TENM3: variants seen among roughly 807,000 people sequenced by gnomAD.
TENM3 encodes teneurin-3.
A neutral mutation model predicts 255.1 loss-of-function variants in TENM3; 63 were observed. The observed-to-expected ratio is 0.25, with a 90% CI of 0.20 to 0.30. The LOEUF (loss-of-function observed/expected upper bound fraction) is 0.30, where lower values mean the gene tolerates loss of function less well. Ranked by LOEUF, TENM3 falls within the 10% of genes least tolerant of loss-of-function variation. The pLI is 1.00. For missense variants in TENM3, 2,929 were observed against 3,461.1 expected, an observed-to-expected ratio of 0.85 and a Z score of 3.86; for synonymous variants, 1,306 against 1,322.3, an observed-to-expected ratio of 0.99 and a Z score of 0.27.
At chr4:181,835,419 TAGTG>T in the TENM3 span, among the ~76,000 whole-genome samples, 1 of 152,228 alleles carries the variant, frequency 6.6e-6, no homozygotes, top group African/African-American at 2.4e-5. Flanking sequence ...TTACACTTGT[TAGTG>T]AGTTAATTTC....
chr4:182,237,017 C>T (rs1756937502), intron 1 of TENM3, among the ~76,000 whole-genome samples: 1 of 152,132 alleles, frequency 6.6e-6, no homozygotes, highest in African/African-American at 2.4e-5. Context: ...AACAAGTCCC[C>T]ATGTGTGTTG....
intron 1 of TENM3, among the ~76,000 whole-genome samples, chr4:182,174,880 C>A (rs910103410): frequency 6.6e-6 from 1 of 152,128 alleles, no homozygotes; most frequent in South Asian, 2.1e-4. Flanking sequence ...CACTCATTTT[C>A]ATTTTTTAAT....
At chr4:181,803,459 A>G in the TENM3 span, among the ~76,000 whole-genome samples, 2 of 152,332 alleles carry the variant, frequency 1.3e-5, no homozygotes, top group African/African-American at 2.4e-5. Flanking sequence ...TTGAAATGAT[A>G]TTGAACGCAT....
the TENM3 span, among the ~76,000 whole-genome samples, chr4:181,874,771 C>A: frequency 3.3e-5 from 5 of 152,192 alleles, no homozygotes; most frequent in African/African-American, 1.2e-4. Flanking sequence ...TACAGCAGCC[C>A]CGGTGGCTGA....
At chr4:182,736,762 G>A (rs71620944) in intron 16 of TENM3, 46 bp from the exon 17 acceptor site, 20 of 1,549,848 alleles carry the variant, frequency 1.3e-5, no homozygotes, top group East Asian at 6.8e-5. Context: ...TTATCTAATC[G>A]TCATACGTGA....
At chr4:181,881,769 G>A in the TENM3 span, among the ~76,000 whole-genome samples, 1 of 152,076 alleles carries the variant, frequency 6.6e-6, no homozygotes, top group African/African-American at 2.4e-5. Flanking sequence ...TGGGTTGCCT[G>A]GGTTTTCTAA....
At chr4:181,684,073 T>G in the TENM3 span, among the ~76,000 whole-genome samples, 1 of 152,200 alleles carries the variant, frequency 6.6e-6, no homozygotes, top group Admixed American at 6.5e-5. Flanking sequence ...GAGGCAGTTT[T>G]TAGCTGAAAA....
At chr4:182,388,311 T>TA (rs1319511721) in intron 3 of TENM3, among the ~76,000 whole-genome samples, 1 of 152,156 alleles carries the variant, frequency 6.6e-6, no homozygotes, top group Non-Finnish European at 1.5e-5. Flanking sequence ...CTGCTTCTAT[T>TA]ATGTTGTTTT....
At chr4:181,706,394 T>G in the TENM3 span, among the ~76,000 whole-genome samples, 1 of 152,128 alleles carries the variant, frequency 6.6e-6, no homozygotes, top group Non-Finnish European at 1.5e-5. Context: ...AAATTCAGCC[T>G]ATAACAGTCA....
At chr4:181,605,261 T>G in the TENM3 span, among the ~76,000 whole-genome samples, 3 of 151,268 alleles carry the variant, frequency 2.0e-5, no homozygotes, top group Non-Finnish European at 4.4e-5. Flanking sequence ...CTGGCTAACA[T>G]GGTGAAACCC....
At chr4:182,755,790 A>G (rs1336969569) in intron 22 of TENM3, among the ~76,000 whole-genome samples, 1 of 151,116 alleles carries the variant, frequency 6.6e-6, no homozygotes, top group Non-Finnish European at 1.5e-5. Flanking sequence ...CAGTGAGCCG[A>G]GATCGCGCCA....
rs371891390 is a variant in TENM3 at position 182,754,649 on chromosome 4, C to A, written c.4282C>A (p.Arg1428=). The change falls in exon 22 of 28, where the codon CGG becomes AGG. Residue 1428 remains arginine (R), a synonymous_variant. Transcript: ENST00000511685. The surrounding 1 kb of genome is among the most constrained non-coding windows in gnomAD (Gnocchi z 5.1). ...ITETDEKKIN[R]IRQVTTDGEI... is the part of the protein sequence containing the mutation. ...TGAAACTGATGAGAAGAAAATTAAC[C>A]GGATAAGGCAGGTCACAACAGATGG... 2.5e-6 allele frequency: 4 copies of A among 1,613,814 alleles called. No homozygotes were observed.
chr4:181,587,965 G>T, the TENM3 span, among the ~76,000 whole-genome samples: 2 of 152,146 alleles, frequency 1.3e-5, no homozygotes, highest in Non-Finnish European at 2.9e-5. Flanking sequence ...TCCTGAGATG[G>T]AAAGAAGGGG....
At chr4:181,921,172 C>A in the TENM3 span, among the ~76,000 whole-genome samples, 91 of 152,216 alleles carry the variant, frequency 6.0e-4, no homozygotes, top group African/African-American at 2.2e-3. Context: ...TAGCGTGATG[C>A]CTCCAGCTTT....
chr4:182,585,370 G>A (rs1167448489), intron 3 of TENM3, among the ~76,000 whole-genome samples: 1 of 152,100 alleles, frequency 6.6e-6, no homozygotes, highest in South Asian at 2.1e-4. Context: ...AAATGTTGAC[G>A]CTGTAATCCC....
intron 3 of TENM3, among the ~76,000 whole-genome samples, chr4:182,580,950 A>G (rs1745437106): frequency 6.6e-6 from 1 of 152,226 alleles, no homozygotes; most frequent in Non-Finnish European, 1.5e-5. Context: ...TAATCATTTA[A>G]GTACAACTGT....
chr4:181,886,645 G>A, the TENM3 span, among the ~76,000 whole-genome samples: 57,086 of 151,836 alleles, frequency 0.38, 10,911 homozygotes, highest in Middle Eastern at 0.43. Context: ...ATATTCAGCT[G>A]TACATTACCA....
At chr4:181,846,194 CA>C in the TENM3 span, among the ~76,000 whole-genome samples, 31 of 151,754 alleles carry the variant, frequency 2.0e-4, no homozygotes, top group Non-Finnish European at 1.6e-4. Context: ...GTCTAAAATT[CA>C]TAAGTCATTT....
chr4:182,276,597 G>A (rs1452961333), intron 1 of TENM3, among the ~76,000 whole-genome samples: 1 of 152,152 alleles, frequency 6.6e-6, no homozygotes, highest in African/African-American at 2.4e-5. Context: ...CACTGAACGT[G>A]AACTAATCTT....
Sources: gnomAD v4.1 joint callset for allele counts (sites outside exome capture counted in the v4.1 genomes callset) on GRCh38, gnomAD v4.1.1 for gene constraint, Gnocchi (gnomAD v3.1) non-coding constraint, MANE v1.5 for transcripts, NCBI Gene and HGNC (gene_info 2026-07-23, HGNC 2026-07-21) for gene names.